Variants in LMBRD2 observed in about 807,000 individuals in gnomAD.
The protein encoded by LMBRD2 is G protein-coupled receptor-associated protein LMBRD2.
In LMBRD2, 55 loss-of-function variants were observed where a neutral mutation model predicts 94.4. The ratio of observed to expected loss-of-function variants is 0.58; its 90% CI spans 0.47 to 0.73. The LOEUF (loss-of-function observed/expected upper bound fraction) is 0.73. Among genes scored for constraint, LMBRD2 ranks in the 30% least tolerant of loss-of-function variants. The pLI is 0.00. For synonymous variants in LMBRD2, 246 were observed against 272.4 expected (o/e 0.90, Z 0.95); for missense variants, 640 against 831.9 (o/e 0.77, Z 2.84).
chr5:36,130,089 T>C (rs112172173), intron 6 of LMBRD2, among the ~76,000 whole-genome samples: 57 of 152,136 alleles, frequency 3.7e-4, no homozygotes, highest in African/African-American at 1.4e-3. Context: ...CTAATGTAAA[T>C]GACGAGTTAA....
chr5:36,109,139 A>C (rs1021040632), intron 15 of LMBRD2, among the ~76,000 whole-genome samples: 1 of 152,144 alleles, frequency 6.6e-6, no homozygotes, highest in Non-Finnish European at 1.5e-5. Flanking sequence ...AATTCTTAGA[A>C]TTGAAAGGGA....
chr5:36,146,833 T>C (rs750451396), intron 1 of LMBRD2, among the ~76,000 whole-genome samples: 38 of 152,204 alleles, frequency 2.5e-4, no homozygotes, highest in Non-Finnish European at 4.4e-4. Context: ...ACAACAGTGA[T>C]GTTTTGATAT....
chr5:36,145,446 G>C (rs552078221), intron 1 of LMBRD2, among the ~76,000 whole-genome samples: 1 of 152,296 alleles, frequency 6.6e-6, no homozygotes, highest in South Asian at 2.1e-4. Flanking sequence ...GGCTGGTCTC[G>C]AACTCCTGAG....
intron 6 of LMBRD2, among the ~76,000 whole-genome samples, chr5:36,131,737 A>G (rs945255407): frequency 7.9e-5 from 12 of 152,170 alleles, no homozygotes; most frequent in African/African-American, 2.4e-5. Flanking sequence ...TATAACACAA[A>G]TAAAATACCA....
At position 36,151,060 on chromosome 5, in the gene LMBRD2, C is replaced by T. The variant is rs1044318918; in HGVS notation, c.-58+496G>A. On this transcript the variant is annotated intron_variant, in intron 1 of 17. Coordinates refer to ENST00000296603, the MANE Select transcript of LMBRD2 (RefSeq NM_001007527.2). This position sits in a 1 kb window ranked among gnomAD's most constrained non-coding sequence, Gnocchi z 4.7. ...GGGGTCACAGTTGTAGTATAGTTTG[C>T]CCAATGGATTTCGCATGGTCATTGT... 2.0e-5 allele frequency among the ~76,000 whole-genome samples: 3 copies of T among 152,176 alleles called. No individual in the cohort carries two copies. The highest frequency in any genetic ancestry group is 7.2e-5 in the African/African-American group (3 of 41,434).
In LMBRD2 at chr5:36,117,757, G is replaced by GT. The variant is rs1176901947; in HGVS notation, c.1279dup (p.Thr427AsnfsTer3). The stretch of plus-strand genomic sequence containing the variant: ...GACCTCGATATAAATATAATTATAT[G>GT]TTTTTTCTGCCAGCTGTATGAAGAC... On this transcript the variant is annotated frameshift_variant, in exon 10 of 18. Coordinates refer to ENST00000296603, the MANE Select transcript of LMBRD2 (RefSeq NM_001007527.2). LOFTEE classifies it high-confidence loss of function. 5.0e-6 allele frequency: 8 copies of GT among 1,606,380 alleles called. No individual in the cohort carries two copies. The highest frequency in any genetic ancestry group is 6.8e-6 in the Non-Finnish European group (8 of 1,177,080).
rs376592386 is a variant in LMBRD2 at position 36,116,611 on chromosome 5, C to T, written c.1303-18G>A. On this transcript the variant is annotated intron_variant, in intron 10 of 17. Transcript: ENST00000296603. ...CAGGCAATCTGGAAAAAAACAAAAA[C>T]AAAGCAGTTTGTTTAAAACAAACAG... 4 of 1,607,944 alleles carry T rather than the reference C, an allele frequency of 2.5e-6. No individual in the cohort carries two copies. In the East Asian group the frequency reaches 8.9e-5, roughly 36 times the overall value.
intron 15 of LMBRD2, 150 bp downstream of exon 15, chr5:36,109,795 T>A (rs1307812231): frequency 9.8e-6 from 6 of 612,902 alleles, no homozygotes; most frequent in African/African-American, 7.4e-5. Flanking sequence ...TACCTGAAAG[T>A]ATTAAAATTC....
In LMBRD2 at chr5:36,117,819, T is replaced by C. The variant is rs763414585; in HGVS notation, c.1218A>G (p.Thr406=). The C allele has an allele frequency of 2.5e-6, 4 of 1,613,914 alleles. No homozygotes were observed. The South Asian group carries it at 3.3e-5, about 13-fold the overall frequency. The change falls in exon 10 of 18, where the codon ACA becomes ACG. Residue 406 remains threonine (T), a synonymous_variant. Coordinates refer to ENST00000296603, the MANE Select transcript of LMBRD2 (RefSeq NM_001007527.2). ...ATAAGACAGGAGTAGTGCTAAAGAA[T>C]GTGCACTCTGACCACACAACAATCA... ...FSVIVVWSEC[T]FFSTTPVLSL... is the part of the protein sequence containing the mutation.
chr5:36,105,332 A>G (rs1743441256), intron 16 of LMBRD2, 135 bp from the exon 17 acceptor site: 7 of 755,042 alleles, frequency 9.3e-6, no homozygotes, highest in South Asian at 2.0e-5. Context: ...AGATAACTAC[A>G]TGGTTCCTTA....
intron 4 of LMBRD2, among the ~76,000 whole-genome samples, chr5:36,138,454 G>C (rs1407961689): frequency 6.6e-6 from 1 of 152,162 alleles, no homozygotes; most frequent in Non-Finnish European, 1.5e-5. Flanking sequence ...ATGCAAAAAA[G>C]TTCACAATGT....
chr5:36,117,626 C>G, intron 10 of LMBRD2, 109 bp downstream of exon 10: 1 of 704,360 alleles, frequency 1.4e-6, no homozygotes, highest in Non-Finnish European at 2.2e-6. Flanking sequence ...AACAACACTG[C>G]AGAAAACCTC....
chr5:36,123,089 A>C (rs978787887), intron 7 of LMBRD2, 128 bp from the exon 8 acceptor site: 11 of 960,470 alleles, frequency 1.1e-5, no homozygotes, highest in Non-Finnish European at 1.5e-5. Flanking sequence ...CTTTATTGTC[A>C]TCTCTAGTTA....
chr5:36,116,422 A>C, intron 11 of LMBRD2, 38 bp downstream of exon 11: 1 of 1,585,480 alleles, frequency 6.3e-7, no homozygotes. Context: ...ACACTCAATG[A>C]TGACATTTCT....
chr5:36,137,197 C>T lies in LMBRD2; in HGVS notation c.536+77G>A, dbSNP rs531984511. On this transcript the variant is annotated intron_variant, in intron 5 of 17. Transcript: ENST00000296603. Reference sequence around the variant, plus strand: ...TCTCAATGAAATGTCTTTTTACCTGCACATATGAAATTAAAAATGATTTTT... The same window carrying T: ...TCTCAATGAAATGTCTTTTTACCTGTACATATGAAATTAAAAATGATTTTT... 17 of 938,530 alleles carry T rather than the reference C, an allele frequency of 1.8e-5. No individual in the cohort carries two copies. In the East Asian group the frequency reaches 4.3e-4, roughly 24 times the overall value. 58.1% of individuals were successfully genotyped at this position (938,530 alleles called of 1,614,324 possible).
At chr5:36,145,617 G>GT (rs143956970) in intron 1 of LMBRD2, among the ~76,000 whole-genome samples, 5 of 151,822 alleles carry the variant, frequency 3.3e-5, no homozygotes, top group East Asian at 1.9e-4. Flanking sequence ...GAGATCTAGG[G>GT]TTTTTTTTCT....
At chr5:36,115,506 T>C (rs1044269881) in intron 11 of LMBRD2, among the ~76,000 whole-genome samples, 1 of 152,254 alleles carries the variant, frequency 6.6e-6, no homozygotes, top group Non-Finnish European at 1.5e-5. Flanking sequence ...ACTGAAGTTG[T>C]ATCAACATAT....
rs1395991152 is a variant in LMBRD2, at chr5:36,137,218, T to C, written c.536+56A>G. ...CCTGCACATATGAAATTAAAAATGATTTTTTAAAAATGCAAACATACATTA... is the reference window on the plus strand; with the variant it reads ...CCTGCACATATGAAATTAAAAATGACTTTTTAAAAATGCAAACATACATTA... On this transcript the variant is annotated intron_variant, in intron 5 of 17. Transcript: ENST00000296603. 12 of 1,199,456 alleles carry C rather than the reference T, an allele frequency of 1.0e-5. No homozygotes were observed. The Middle Eastern group carries it at 8.6e-4, about 86-fold the overall frequency. The allele number at this position is 1,199,456 out of a possible 1,614,324, so 74.3% of individuals were successfully genotyped here.
At chr5:36,143,093 G>A in intron 2 of LMBRD2, 83 bp downstream of exon 2, 1 of 936,742 alleles carries the variant, frequency 1.1e-6, no homozygotes, top group South Asian at 1.8e-5. Context: ...TAACTTAGCT[G>A]TCTTAAGAAA....
Sources: allele counts gnomAD v4.1 joint callset (sites outside exome capture counted in the v4.1 genomes callset), GRCh38; gene constraint gnomAD v4.1.1; non-coding constraint Gnocchi (gnomAD v3.1); transcripts MANE v1.5; gene names NCBI Gene and HGNC (gene_info 2026-07-23, HGNC 2026-07-21).